The following ZDHHC14 variants were observed in gnomAD, a reference collection of about 807,000 sequenced individuals.
The protein encoded by ZDHHC14 is zDHHC palmitoyltransferase 14.
A neutral mutation model predicts 47.7 loss-of-function variants in ZDHHC14; 16 were observed. The observed-to-expected ratio is 0.34, with a 90% CI of 0.23 to 0.51. ZDHHC14 has a LOEUF of 0.51. ZDHHC14 is among the 20% of genes least tolerant of loss of function. The pLI, the probability that ZDHHC14 is intolerant of heterozygous loss-of-function variation, is 0.97. For missense variants in ZDHHC14, 515 were observed against 662.5 expected, an observed-to-expected ratio of 0.78 and a Z score of 2.44; for synonymous variants, 293 against 278.9, an observed-to-expected ratio of 1.05 and a Z score of -0.50.
rs770528807 is a variant in ZDHHC14, at chr6:157,557,545, G to A, written c.406+14800G>A. On this transcript the variant is annotated intron_variant, in intron 2 of 8. Transcript: ENST00000359775. ...CGTTGGTTAGATGTGTCCAGCATGC[G>A]TTAGATGGAAGAATGAGATGAAAAC... is the stretch of plus-strand genomic sequence containing the variant. Among the ~76,000 whole-genome samples the A allele has an allele frequency of 1.1e-4, 17 of 152,176 alleles. No individual in the cohort carries two copies. The East Asian group carries it at 2.3e-3, about 21-fold the overall frequency.
At chr6:157,658,150 C>G (rs1447217522) in intron 8 of ZDHHC14, among the ~76,000 whole-genome samples, 1 of 152,076 alleles carries the variant, frequency 6.6e-6, no homozygotes, top group East Asian at 1.9e-4. Context: ...CTTGGAGCAA[C>G]CGGAAAATAA....
At chr6:157,608,181 A>G (rs566619851) in intron 3 of ZDHHC14, among the ~76,000 whole-genome samples, 1 of 152,140 alleles carries the variant, frequency 6.6e-6, no homozygotes, top group Non-Finnish European at 1.5e-5. Flanking sequence ...GTCATGCTGT[A>G]TGTGCTCAGG....
At chr6:157,640,835 C>T (rs1243296042) in intron 5 of ZDHHC14, among the ~76,000 whole-genome samples, 1 of 152,206 alleles carries the variant, frequency 6.6e-6, no homozygotes, top group African/African-American at 2.4e-5. Flanking sequence ...CCCCAATGGT[C>T]CAGAAATACA....
intron 8 of ZDHHC14, among the ~76,000 whole-genome samples, chr6:157,656,650 T>C (rs2114996792): frequency 6.6e-6 from 1 of 150,786 alleles, no homozygotes; most frequent in East Asian, 1.9e-4. Context: ...AAGCTACTTA[T>C]TAAGGCATCT....
chr6:157,384,067 A>G (rs932894571), intron 1 of ZDHHC14, among the ~76,000 whole-genome samples: 9 of 152,238 alleles, frequency 5.9e-5, no homozygotes, highest in African/African-American at 1.9e-4. Flanking sequence ...GTTGCAGAGT[A>G]TTAACTGTGT....
chr6:157,555,119 A>C (rs550406323), intron 2 of ZDHHC14, among the ~76,000 whole-genome samples: 2 of 152,202 alleles, frequency 1.3e-5, no homozygotes, highest in Non-Finnish European at 2.9e-5. Flanking sequence ...AGGACTCAAC[A>C]TGGATTTTAC....
chr6:157,444,332 T>C (rs1284236113), intron 1 of ZDHHC14, among the ~76,000 whole-genome samples: 1 of 152,152 alleles, frequency 6.6e-6, no homozygotes, highest in Non-Finnish European at 1.5e-5. Flanking sequence ...GAATACACAT[T>C]GAGGCAGGGA....
intron 2 of ZDHHC14, among the ~76,000 whole-genome samples, chr6:157,575,847 C>T (rs986578630): frequency 5.9e-5 from 9 of 152,250 alleles, no homozygotes; most frequent in Non-Finnish European, 1.3e-4. Context: ...CACCAGAGAA[C>T]CCTCAATGCT....
chr6:157,444,920 CA>C (rs1324134353), intron 1 of ZDHHC14, among the ~76,000 whole-genome samples: 4 of 152,036 alleles, frequency 2.6e-5, no homozygotes, highest in Non-Finnish European at 4.4e-5. Context: ...ATGTACTGAT[CA>C]AGGCAAAGCC....
chr6:157,597,601 C>G (rs1306558748), intron 3 of ZDHHC14, among the ~76,000 whole-genome samples: 3 of 152,272 alleles, frequency 2.0e-5, no homozygotes, highest in African/African-American at 7.2e-5. Flanking sequence ...CAGACCCAGG[C>G]AGCTTAGTCT....
At position 157,532,718 on chromosome 6, in the gene ZDHHC14, T is replaced by C. The variant is rs954750986; in HGVS notation, c.246-9867T>C. Among the ~76,000 whole-genome samples, 201 of 152,222 alleles carry C rather than the reference T, an allele frequency of 1.3e-3. 1 individual carries two copies. Among genetic ancestry groups the C allele is most frequent in the African/African-American group, 4.6e-3 (192 of 41,466 alleles). On this transcript the variant is annotated intron_variant, in intron 1 of 8. Coordinates refer to ENST00000359775, the MANE Select transcript of ZDHHC14 (RefSeq NM_024630.3). ...ATAACCTGGGTTTTGCCTTCTCAAA[T>C]GTATGATCCTCCATACCCCAAAACA...
rs143776349 is a variant in ZDHHC14, at chr6:157,572,357, C to T, written c.407-20631C>T. On this transcript the variant is annotated intron_variant, in intron 2 of 8. Transcript: ENST00000359775. Reference sequence around the variant, plus strand: ...TGAGAACCACTGCCCTAGATGATCCCGATCATCAGCCAAGTTTAAGATCTG... The same window carrying T: ...TGAGAACCACTGCCCTAGATGATCCTGATCATCAGCCAAGTTTAAGATCTG... Among the ~76,000 whole-genome samples, 416 of 152,178 alleles carry T rather than the reference C, an allele frequency of 2.7e-3. 3 individuals are homozygous for T. Among genetic ancestry groups the T allele is most frequent in the African/African-American group, 9.4e-3 (388 of 41,494 alleles).
intron 1 of ZDHHC14, among the ~76,000 whole-genome samples, chr6:157,540,003 CACAG>C (rs2114799429): frequency 6.6e-6 from 1 of 152,296 alleles, no homozygotes; most frequent in African/African-American, 2.4e-5. Flanking sequence ...CCCAGGGAAA[CACAG>C]ACAGAGGCAT....
At chr6:157,465,169 A>T (rs1416061209) in intron 1 of ZDHHC14, among the ~76,000 whole-genome samples, 1 of 151,172 alleles carries the variant, frequency 6.6e-6, no homozygotes, top group Non-Finnish European at 1.5e-5. Context: ...CAATGAAAAA[A>T]AAAGATTTAA....
At chr6:157,634,549 A>C (rs577654831) in intron 5 of ZDHHC14, among the ~76,000 whole-genome samples, 89 of 152,336 alleles carry the variant, frequency 5.8e-4, no homozygotes, top group African/African-American at 2.0e-3. Flanking sequence ...TCCCTTCCTA[A>C]AGAAAAGGCT....
At chr6:157,387,497 T>C (rs1777338694) in intron 1 of ZDHHC14, among the ~76,000 whole-genome samples, 1 of 151,780 alleles carries the variant, frequency 6.6e-6, no homozygotes, top group African/African-American at 2.4e-5. Context: ...TCTCATCGGT[T>C]TTTTTCTAAG....
intron 2 of ZDHHC14, among the ~76,000 whole-genome samples, chr6:157,543,379 T>C (rs992123166): frequency 3.1e-4 from 47 of 152,332 alleles, no homozygotes; most frequent in African/African-American, 1.1e-3. Flanking sequence ...GGAGTGCTTT[T>C]TCTTGCTCTT....
chr6:157,390,633 G>T (rs1312240907), intron 1 of ZDHHC14, among the ~76,000 whole-genome samples: 2 of 151,930 alleles, frequency 1.3e-5, no homozygotes, highest in African/African-American at 4.8e-5. Context: ...CTGTCGGGTT[G>T]TCTTCAAGTT....
chr6:157,613,822 A>C (rs1784845568), intron 3 of ZDHHC14, among the ~76,000 whole-genome samples: 1 of 152,174 alleles, frequency 6.6e-6, no homozygotes, highest in Non-Finnish European at 1.5e-5. Flanking sequence ...CACGAGAGTG[A>C]AGGGATCCAT....
Sources: gnomAD v4.1 joint callset for allele counts (sites outside exome capture counted in the v4.1 genomes callset) on GRCh38, gnomAD v4.1.1 for gene constraint, MANE v1.5 for transcripts, NCBI Gene and HGNC (gene_info 2026-07-23, HGNC 2026-07-21) for gene names.